SCHIP1: variants seen among roughly 807,000 people sequenced by gnomAD.
SCHIP1 encodes the protein schwannomin interacting protein 1.
SCHIP1 carries 8 observed loss-of-function variants against 29.7 expected under a neutral mutation model. The ratio of observed to expected loss-of-function variants is 0.27; its 90% confidence interval spans 0.16 to 0.49. SCHIP1 has a LOEUF of 0.49. SCHIP1 is among the 20% of genes least tolerant of loss of function. The pLI is 0.99. For missense variants in SCHIP1, 193 were observed against 294.6 expected (o/e 0.66, Z 2.52); for synonymous variants, 76 against 94.9 (o/e 0.80, Z 1.16).
the SCHIP1 span, among the ~76,000 whole-genome samples, chr3:159,462,124 C>T: frequency 1.3e-5 from 2 of 151,988 alleles, no homozygotes; most frequent in Non-Finnish European, 2.9e-5. Context: ...GCAGGAAAAT[C>T]ACTTGAATCC....
At chr3:159,379,851 TGA>T in the SCHIP1 span, among the ~76,000 whole-genome samples, 16 of 152,080 alleles carry the variant, frequency 1.1e-4, no homozygotes, top group African/African-American at 3.9e-4. Flanking sequence ...TCTGGGAAAA[TGA>T]GAGAGGTCCG....
the SCHIP1 span, among the ~76,000 whole-genome samples, chr3:159,633,153 G>A: frequency 6.6e-6 from 1 of 152,066 alleles, no homozygotes; most frequent in Admixed American, 6.5e-5. Flanking sequence ...TTGAACTAAG[G>A]GTTGGGACAC....
the SCHIP1 span, among the ~76,000 whole-genome samples, chr3:159,827,254 G>A: frequency 3.0e-4 from 45 of 152,182 alleles, no homozygotes. Flanking sequence ...TAGAAAAGCT[G>A]GTCAGAGAAC....
chr3:159,318,410 G>A, the SCHIP1 span, among the ~76,000 whole-genome samples: 2 of 152,146 alleles, frequency 1.3e-5, no homozygotes, highest in Non-Finnish European at 2.9e-5. Flanking sequence ...CACACATCTG[G>A]ATATTTCTTC....
At chr3:159,410,346 C>T in the SCHIP1 span, among the ~76,000 whole-genome samples, 1 of 152,020 alleles carries the variant, frequency 6.6e-6, no homozygotes, top group Admixed American at 6.6e-5. Context: ...AGACAACCCA[C>T]AGAATAGCAG....
At chr3:159,526,481 T>C in the SCHIP1 span, among the ~76,000 whole-genome samples, 9 of 152,314 alleles carry the variant, frequency 5.9e-5, no homozygotes, top group East Asian at 5.8e-4. Context: ...AGATAACTTA[T>C]TGAACTATGT....
chr3:159,404,099 G>A, the SCHIP1 span, among the ~76,000 whole-genome samples: 1 of 152,172 alleles, frequency 6.6e-6, no homozygotes, highest in Non-Finnish European at 1.5e-5. Context: ...TGACTAAAGA[G>A]CCCTTGGGCC....
chr3:159,280,523 A>T, the SCHIP1 span, among the ~76,000 whole-genome samples: 1 of 152,166 alleles, frequency 6.6e-6, no homozygotes, highest in Non-Finnish European at 1.5e-5. Flanking sequence ...AAAATGAATA[A>T]GTCGGCTCAA....
chr3:159,887,602 C>T (rs886191909), intron 3 of SCHIP1, 106 bp from the exon 5 acceptor site: 8 of 1,296,490 alleles, frequency 6.2e-6, no homozygotes, highest in Admixed American at 2.0e-5. Context: ...AGGGAGGGAA[C>T]TCTGAGCTGC....
chr3:159,821,464 C>A, the SCHIP1 span, among the ~76,000 whole-genome samples: 1 of 152,178 alleles, frequency 6.6e-6, no homozygotes, highest in Non-Finnish European at 1.5e-5. Flanking sequence ...CATTCCACCA[C>A]CCCCAGTGGA....
At chr3:159,543,922 T>A in the SCHIP1 span, among the ~76,000 whole-genome samples, 2 of 152,124 alleles carry the variant, frequency 1.3e-5, no homozygotes, top group African/African-American at 4.8e-5. Flanking sequence ...ACGGCACTTT[T>A]AAAACAAATC....
the SCHIP1 span, among the ~76,000 whole-genome samples, chr3:159,414,268 T>A: frequency 2.0e-5 from 3 of 152,172 alleles, no homozygotes; most frequent in Non-Finnish European, 4.4e-5. Context: ...AAATGAACTT[T>A]AATATTCCCA....
the SCHIP1 span, among the ~76,000 whole-genome samples, chr3:159,779,886 T>G: frequency 2.0e-5 from 3 of 152,238 alleles, no homozygotes; most frequent in East Asian, 1.9e-4. Context: ...AACTTAGATA[T>G]TCTCTTGAAG....
the SCHIP1 span, chr3:159,386,860 C>G: frequency 6.5e-6 from 1 of 153,940 alleles, no homozygotes; most frequent in Non-Finnish European, 1.5e-5. Context: ...GCAACAGTCT[C>G]TTTCCAGAGG....
chr3:159,391,236 T>C, the SCHIP1 span, among the ~76,000 whole-genome samples: 1 of 152,220 alleles, frequency 6.6e-6, no homozygotes, highest in Non-Finnish European at 1.5e-5. Context: ...GTTTTTTTAC[T>C]GCTTTCAATC....
the SCHIP1 span, among the ~76,000 whole-genome samples, chr3:159,533,862 A>G: frequency 6.6e-6 from 1 of 152,220 alleles, no homozygotes; most frequent in African/African-American, 2.4e-5. Context: ...AATTTTTAGG[A>G]TCTAAGTCAA....
chr3:159,878,764 C>T (rs930773697), intron 2 of SCHIP1, among the ~76,000 whole-genome samples: 58 of 144,382 alleles, frequency 4.0e-4, no homozygotes, highest in African/African-American at 1.4e-3. Flanking sequence ...GGCGACAGAG[C>T]GAGACTCCGT....
chr3:159,667,991 G>C, the SCHIP1 span, among the ~76,000 whole-genome samples: 1 of 152,152 alleles, frequency 6.6e-6, no homozygotes, highest in South Asian at 2.1e-4. Context: ...GGGGACCCTA[G>C]GTCCAAGCCA....
At chr3:159,293,615 G>A in the SCHIP1 span, among the ~76,000 whole-genome samples, 1 of 152,188 alleles carries the variant, frequency 6.6e-6, no homozygotes, top group Non-Finnish European at 1.5e-5. Flanking sequence ...AATTATAAAT[G>A]AGCCAAAGAG....
Sources: allele counts gnomAD v4.1 joint callset (sites outside exome capture counted in the v4.1 genomes callset), GRCh38; gene constraint gnomAD v4.1.1; transcripts MANE v1.5; gene names NCBI Gene and HGNC (gene_info 2026-07-23, HGNC 2026-07-21).